Variants in FAT3 observed in about 807,000 individuals in gnomAD.
FAT3 encodes the protein protocadherin Fat 3.
A neutral mutation model predicts 310.2 loss-of-function variants in FAT3; 95 were observed. The ratio of observed to expected loss-of-function variants is 0.31; its 90% CI spans 0.26 to 0.36. The LOEUF is 0.36. Ranked by LOEUF, FAT3 falls within the 10% of genes least tolerant of loss-of-function variation. FAT3 has a pLI of 1.00. For synonymous variants in FAT3, 2,314 were observed against 2,192.9 expected (o/e 1.06, Z -1.54); for missense variants, 5,408 against 5,715.6 (o/e 0.95, Z 1.74).
chr11:92,798,675 T>A lies in FAT3; in HGVS notation c.5662T>A (p.Phe1888Ile), dbSNP rs749159819. ...DNPPVFTQAV[F>I]ETILLLPTYV... is the part of the protein sequence containing the mutation. Reference sequence around the variant, plus strand: ...CCCACCTGTTTTTACTCAGGCTGTGTTTGAGACTATCTTACTTCTACCTAC... The same window carrying A: ...CCCACCTGTTTTTACTCAGGCTGTGATTGAGACTATCTTACTTCTACCTAC... Residue 1888 changes from phenylalanine (F) to isoleucine (I), a missense_variant, in exon 10 of 28, where the codon TTT (phenylalanine) becomes ATT (isoleucine). Transcript: ENST00000525166. The A allele has an allele frequency of 6.2e-7, 1 of 1,613,754 alleles. No homozygotes were observed. The highest frequency in any genetic ancestry group is 1.7e-5 in the Admixed American group (1 of 59,992).
chr11:92,282,510 A>T (rs921285498), intron 1 of FAT3, among the ~76,000 whole-genome samples: 1 of 152,052 alleles, frequency 6.6e-6, no homozygotes, highest in Non-Finnish European at 1.5e-5. Context: ...ACTAAAAAGT[A>T]CAAAATCAGC....
chr11:92,480,062 G>A (rs1952176034), intron 2 of FAT3, among the ~76,000 whole-genome samples: 1 of 152,010 alleles, frequency 6.6e-6, no homozygotes, highest in Non-Finnish European at 1.5e-5. Flanking sequence ...TCAGAAGATC[G>A]AGACCATCCT....
intron 2 of FAT3, among the ~76,000 whole-genome samples, chr11:92,479,372 G>A (rs1266467605): frequency 2.0e-5 from 3 of 151,918 alleles, no homozygotes; most frequent in African/African-American, 7.3e-5. Context: ...CTAAGGTCAT[G>A]GGCCAAATAC....
At chr11:92,566,993 T>TA (rs2135489644) in intron 3 of FAT3, among the ~76,000 whole-genome samples, 1 of 152,168 alleles carries the variant, frequency 6.6e-6, no homozygotes, top group South Asian at 2.1e-4. Context: ...ACTTCATGTC[T>TA]AAAACACCAA....
chr11:92,515,851 G>T (rs1953463669), intron 2 of FAT3, among the ~76,000 whole-genome samples: 1 of 152,066 alleles, frequency 6.6e-6, no homozygotes, highest in South Asian at 2.1e-4. Context: ...GATAGTGGTT[G>T]TAATACTGTC....
At chr11:92,550,035 C>A (rs1382921831) in intron 3 of FAT3, among the ~76,000 whole-genome samples, 1 of 152,138 alleles carries the variant, frequency 6.6e-6, no homozygotes, top group South Asian at 2.1e-4. Context: ...ATTAATCCCA[C>A]TTCTGATATA....
chr11:92,627,982 T>G (rs943481409), intron 3 of FAT3, among the ~76,000 whole-genome samples: 4 of 152,214 alleles, frequency 2.6e-5, no homozygotes, highest in African/African-American at 9.6e-5. Context: ...TGACACCTAC[T>G]GTGCGACCTC....
intron 2 of FAT3, among the ~76,000 whole-genome samples, chr11:92,373,536 A>C (rs1949253215): frequency 6.6e-6 from 1 of 152,072 alleles, no homozygotes; most frequent in Admixed American, 6.5e-5. Context: ...CTTTGTTGTT[A>C]GGAGCTTAAA....
chr11:92,728,025 C>T (rs890795032), intron 4 of FAT3, among the ~76,000 whole-genome samples: 3 of 152,176 alleles, frequency 2.0e-5, no homozygotes, highest in Non-Finnish European at 1.5e-5. Context: ...CACAAGTGTA[C>T]TGAACAACTG....
intron 4 of FAT3, among the ~76,000 whole-genome samples, chr11:92,736,510 GA>G (rs1211140403): frequency 6.6e-6 from 1 of 152,050 alleles, no homozygotes; most frequent in Non-Finnish European, 1.5e-5. Flanking sequence ...GTTAAGTAAC[GA>G]AAAAGAAGTA....
chr11:92,839,293 C>G (rs948653646), intron 17 of FAT3, among the ~76,000 whole-genome samples: 15 of 152,166 alleles, frequency 9.9e-5, no homozygotes, highest in Admixed American at 8.5e-4. Context: ...AGATGCTGAC[C>G]CTGAGGGCCA....
At chr11:92,700,807 C>T (rs1944077214) in intron 4 of FAT3, among the ~76,000 whole-genome samples, 1 of 152,140 alleles carries the variant, frequency 6.6e-6, no homozygotes, top group Non-Finnish European at 1.5e-5. Flanking sequence ...CTTTTTCTCT[C>T]TCTTATGCAC....
intron 6 of FAT3, among the ~76,000 whole-genome samples, chr11:92,767,771 G>A (rs1946351972): frequency 6.6e-6 from 1 of 152,070 alleles, no homozygotes; most frequent in African/African-American, 2.4e-5. Flanking sequence ...CTATGGTTAA[G>A]GCCCATGTGT....
At chr11:92,667,843 C>A (rs959254122) in intron 3 of FAT3, among the ~76,000 whole-genome samples, 1 of 152,186 alleles carries the variant, frequency 6.6e-6, no homozygotes, top group Non-Finnish European at 1.5e-5. Context: ...GAACTGATTT[C>A]TTTTTTTCTA....
intron 2 of FAT3, among the ~76,000 whole-genome samples, chr11:92,412,732 T>TATATATATACATACACAC (rs1565296342): frequency 5.6e-5 from 1 of 17,948 alleles, no homozygotes; most frequent in Non-Finnish European, 1.8e-4. Context: ...TATATATATA[T>TATATATATACATACACAC]ATATATATAT....
At chr11:92,724,269 A>G (rs1944937551) in intron 4 of FAT3, among the ~76,000 whole-genome samples, 1 of 152,158 alleles carries the variant, frequency 6.6e-6, no homozygotes, top group Non-Finnish European at 1.5e-5. Flanking sequence ...GTGGCCCCTC[A>G]TCCTTTAGGT....
chr11:92,789,933 T>C lies in FAT3; in HGVS notation c.4336-10T>C. ...CATTAGTCATCATTCTTTTCTTCTTTTAACTACAGGTATTTATCAAAGTGC... is the reference window on the plus strand; with the variant it reads ...CATTAGTCATCATTCTTTTCTTCTTCTAACTACAGGTATTTATCAAAGTGC... On this transcript the variant is annotated splice_polypyrimidine_tract_variant and intron_variant, in intron 7 of 27. Coordinates refer to ENST00000525166, the MANE Select transcript of FAT3 (RefSeq NM_001367949.2). The C allele has an allele frequency of 6.2e-7, 1 of 1,611,476 alleles. No homozygotes were observed. The highest frequency in any genetic ancestry group is 2.2e-5 in the East Asian group (1 of 44,798).
chr11:92,343,715 G>A (rs1177481732), intron 1 of FAT3, among the ~76,000 whole-genome samples: 1 of 152,164 alleles, frequency 6.6e-6, no homozygotes, highest in Admixed American at 6.5e-5. Context: ...CAGTCGAAAT[G>A]TGGGGATGTG....
rs775165414 is a variant in FAT3 at position 92,844,641 on chromosome 11, A to G, written c.11274A>G (p.Ser3758=). ...AACAGCATTGTGAGCAAGGCTTGTC[A>G]CTCGATTCCCACGCGCTCATGACCT... ...CQEQHCEQGL[S]LDSHALMTYS... Residue 3758 remains serine, a synonymous_variant, in exon 19 of 28, where the codon TCA becomes TCG. Transcript: ENST00000525166. 24 of 1,611,556 alleles carry G rather than the reference A, an allele frequency of 1.5e-5. No individual in the cohort carries two copies. In the South Asian group the frequency reaches 2.7e-4, roughly 18 times the overall value.
Sources: gnomAD v4.1 joint callset for allele counts (sites outside exome capture counted in the v4.1 genomes callset) on GRCh38, gnomAD v4.1.1 for gene constraint, MANE v1.5 for transcripts, NCBI Gene and HGNC (gene_info 2026-07-23, HGNC 2026-07-21) for gene names.